The following ITGAD variants were observed in gnomAD, a reference collection of about 807,000 sequenced individuals.
ITGAD encodes the protein integrin alpha-D.
In ITGAD, 105 loss-of-function variants were observed where a neutral mutation model predicts 139.0. That is an observed-to-expected ratio of 0.76 (90% CI 0.65 to 0.89). The LOEUF (loss-of-function observed/expected upper bound fraction) is 0.89. Among genes scored for constraint, ITGAD ranks in the 40% least tolerant of loss-of-function variants. The probability of loss-of-function intolerance (pLI) is 0.00; values close to 1 mark genes in which losing one functional copy is unlikely to be tolerated. For missense variants in ITGAD, 1,384 were observed against 1,487.3 expected, an observed-to-expected ratio of 0.93 and a Z score of 1.14; for synonymous variants, 569 against 598.3, an observed-to-expected ratio of 0.95 and a Z score of 0.71.
rs79441414 is a variant in ITGAD, at chr16:31,412,762, C to T, written c.1708-76C>T. ...TCTCCCTTTGCCACCATCCTACCTC[C>T]ATATTCCCCTTGTTACTTATTTCCA... On this transcript the variant is annotated intron_variant, in intron 14 of 29. Coordinates refer to ENST00000389202, the MANE Select transcript of ITGAD (RefSeq NM_005353.3). 1.3e-3 allele frequency: 2,024 copies of T among 1,583,186 alleles called. 22 individuals are homozygous for T. The African/African-American group carries it at 0.025, about 19-fold the overall frequency.
intron 2 of ITGAD, among the ~76,000 whole-genome samples, chr16:31,394,721 G>A (rs1444812484): frequency 2.0e-5 from 3 of 152,168 alleles, no homozygotes; most frequent in Admixed American, 6.5e-5. Flanking sequence ...ACCCAGGCTG[G>A]AGTGCAGTGG....
At chr16:31,423,529 A>G (rs567176258) in intron 25 of ITGAD, 42 bp from the exon 26 acceptor site, 4 of 1,602,764 alleles carry the variant, frequency 2.5e-6, no homozygotes, top group Non-Finnish European at 2.6e-6. Context: ...TACCAGGGAC[A>G]TGTTGCTCAT....
rs776271033 is a variant in ITGAD, at chr16:31,407,872, GC to G, written c.966del (p.Ser323AlafsTer63). Reference sequence around the variant, plus strand: ...AAGGTGGACAACTTTGCAGCCCTTGGCAGCATCCAGAAGCAGCTGCAGGAGA... The same window carrying G: ...AAGGTGGACAACTTTGCAGCCCTTGGAGCATCCAGAAGCAGCTGCAGGAGA... ...VFKVDNFAAL[G>X]SIQKQLQEKI... On this transcript the variant is annotated frameshift_variant, in exon 9 of 30. Transcript: ENST00000389202. LOFTEE classifies it high-confidence loss of function. The G allele has an allele frequency of 1.4e-5, 23 of 1,600,676 alleles. No homozygotes were observed. The highest frequency in any genetic ancestry group is 1.9e-5 in the Non-Finnish European group (22 of 1,168,874).
chr16:31,414,588 C>T lies in ITGAD; in HGVS notation c.2134C>T (p.Leu712=), dbSNP rs1478484634. 1 of 1,614,018 alleles carries T rather than the reference C, an allele frequency of 6.2e-7. No individual in the cohort carries two copies. The highest frequency in any genetic ancestry group is 1.3e-5 in the African/African-American group (1 of 74,912). The part of the protein sequence containing the change: ...TLGLGIHCET[L]KLLLPDCVED... ...GGGACTGGGGATTCACTGTGAAACC[C>T]TGAAGCTGCTTTTGCCAGTGAGGAC... Residue 712 remains leucine (L), a synonymous_variant, in exon 17 of 30, where the codon CTG becomes TTG. Coordinates refer to ENST00000389202, the MANE Select transcript of ITGAD (RefSeq NM_005353.3).
intron 23 of ITGAD, among the ~76,000 whole-genome samples, chr16:31,421,336 G>A (rs2082002092): frequency 6.6e-6 from 1 of 150,918 alleles, no homozygotes; most frequent in African/African-American, 2.4e-5. Flanking sequence ...GCGCACGGTG[G>A]CTCGTGCCTG....
chr16:31,402,658 G>A (rs1369833722), intron 6 of ITGAD: 2 of 164,022 alleles, frequency 1.2e-5, no homozygotes, highest in Non-Finnish European at 2.7e-5. Flanking sequence ...GCTGCAGTGT[G>A]GGGGTGCAAT....
intron 5 of ITGAD, among the ~76,000 whole-genome samples, chr16:31,400,644 G>T (rs370746425): frequency 6.6e-6 from 1 of 152,036 alleles, no homozygotes; most frequent in East Asian, 1.9e-4. Context: ...TCACTCTGTC[G>T]CCCAGGCTGG....
intron 21 of ITGAD, 44 bp downstream of exon 21, chr16:31,418,235 C>G: frequency 6.2e-7 from 1 of 1,603,754 alleles, no homozygotes; most frequent in Non-Finnish European, 8.5e-7. Flanking sequence ...CTCCCTTGTC[C>G]CAATCTGTCC....
rs75324524 is a variant in ITGAD, at chr16:31,403,672, G to A, written c.704+27G>A. 501 of 1,613,496 alleles carry A rather than the reference G, an allele frequency of 3.1e-4. No homozygotes were observed. The highest frequency in any genetic ancestry group is 4.1e-4 in the Non-Finnish European group (489 of 1,179,624). Reference sequence around the variant, plus strand: ...TAAGCAACCCCGACCCCAGCCTGGCGATGTGACTGCCACCCCCACTTCCTA... The same window carrying A: ...TAAGCAACCCCGACCCCAGCCTGGCAATGTGACTGCCACCCCCACTTCCTA... On this transcript the variant is annotated intron_variant, in intron 7 of 29. Coordinates refer to ENST00000389202, the MANE Select transcript of ITGAD (RefSeq NM_005353.3). This position sits in a 1 kb window ranked among gnomAD's most constrained non-coding sequence, Gnocchi z 4.4.
intron 23 of ITGAD, among the ~76,000 whole-genome samples, chr16:31,419,827 A>G (rs575654891): frequency 1.1e-4 from 17 of 151,614 alleles, no homozygotes; most frequent in Non-Finnish European, 2.1e-4. Flanking sequence ...AAAAAAAAAA[A>G]AAAAGAAAAA....
intron 14 of ITGAD, among the ~76,000 whole-genome samples, chr16:31,412,173 A>T (rs1162607970): frequency 9.3e-5 from 14 of 151,058 alleles, no homozygotes; most frequent in Non-Finnish European, 1.8e-4. Context: ...CCTCCCGAGT[A>T]GCTGAGATTA....
At position 31,407,528 on chromosome 16, in the gene ITGAD, C is replaced by T. The variant is rs868815311; in HGVS notation, c.718C>T (p.His240Tyr). ...CCTCCCCGACAGGACACAGCTATTT[C>T]ATCATAAGAATGGGGCCCGAAAAAG... is the stretch of plus-strand genomic sequence containing the variant. ...GILTVVTQLF[H>Y]HKNGARKSAK... The change falls in exon 8 of 30, where the codon CAT (histidine) becomes TAT (tyrosine). Residue 240 changes from histidine to tyrosine, a missense_variant. Coordinates refer to ENST00000389202, the MANE Select transcript of ITGAD (RefSeq NM_005353.3). The T allele has an allele frequency of 4.4e-6, 7 of 1,594,980 alleles. No individual in the cohort carries two copies. The East Asian group carries it at 1.6e-4, about 36-fold the overall frequency.
Position 31,424,595 on chromosome 16 carries a change from C to CTA in ITGAD, c.3372+19_3372+20insAT. 1 of 1,450,782 alleles carries CTA rather than the reference C, an allele frequency of 6.9e-7. No homozygotes were observed. Among genetic ancestry groups the CTA allele is most frequent in the Non-Finnish European group, 9.4e-7 (1 of 1,062,006 alleles). 89.9% of individuals were successfully genotyped at this position (1,450,782 alleles called of 1,614,324 possible). On this transcript the variant is annotated intron_variant, in intron 29 of 29. Transcript: ENST00000389202. ...TGTACAAGGCAAGTGTTTTATCCAA[C>CTA]TCTTTTTTTTTTTTTTTTGAGATGG...
Position 31,423,089 on chromosome 16 carries a change from T to A in ITGAD, c.2781-25T>A, listed in dbSNP as rs373284328. On this transcript the variant is annotated intron_variant, in intron 23 of 29. Transcript: ENST00000389202. Reference sequence around the variant, plus strand: ...AACTGGGGACAGTTTCAGGGCTGTTTTTCACCCACAGGCTCTCTCTCCAGG... The same window carrying A: ...AACTGGGGACAGTTTCAGGGCTGTTATTCACCCACAGGCTCTCTCTCCAGG... 4.8e-4 allele frequency: 775 copies of A among 1,604,264 alleles called. 1 individual carries two copies. Among genetic ancestry groups the A allele is most frequent in the Non-Finnish European group, 6.4e-4 (752 of 1,171,144 alleles).
rs1288134842 is a variant in ITGAD, at chr16:31,414,971, C to G, written c.2263C>G (p.Gln755Glu). The change falls in exon 18 of 30, where the codon CAA becomes GAA. Residue 755 changes from glutamine (Q) to glutamate (E), a missense_variant. Coordinates refer to ENST00000389202, the MANE Select transcript of ITGAD (RefSeq NM_005353.3). ...NLRPVLAVGS[Q>E]DLFTASLPFE... ...GCGTCCTGTGCTGGCCGTGGGCTCACAAGACCTCTTCACTGCTTCTGTGAG... is the reference window on the plus strand; with the variant it reads ...GCGTCCTGTGCTGGCCGTGGGCTCAGAAGACCTCTTCACTGCTTCTGTGAG... The G allele has an allele frequency of 6.2e-7, 1 of 1,614,120 alleles. No individual in the cohort carries two copies. Among genetic ancestry groups the G allele is most frequent in the South Asian group, 1.1e-5 (1 of 91,088 alleles).
At chr16:31,405,206 G>A (rs553665043) in intron 7 of ITGAD, among the ~76,000 whole-genome samples, 45 of 151,986 alleles carry the variant, frequency 3.0e-4, no homozygotes, top group African/African-American at 8.7e-4. Flanking sequence ...GGCTGGTCTC[G>A]AACTCCTGAC....
At chr16:31,419,752 G>A (rs1282387688) in intron 23 of ITGAD, among the ~76,000 whole-genome samples, 8 of 150,348 alleles carry the variant, frequency 5.3e-5, no homozygotes, top group Non-Finnish European at 1.0e-4. Context: ...CGGAGATTGC[G>A]GTGAGCTGAG....
chr16:31,410,239 G>A (rs2081650647), intron 10 of ITGAD, among the ~76,000 whole-genome samples, 156 bp from the exon 11 acceptor site: 1 of 152,152 alleles, frequency 6.6e-6, no homozygotes, highest in South Asian at 2.1e-4. Context: ...AGCAGTGGCT[G>A]TGGGGACAGG....
chr16:31,403,721 T>C lies in ITGAD; in HGVS notation c.704+76T>C. The C allele has an allele frequency of 1.3e-6, 2 of 1,567,256 alleles. No individual in the cohort carries two copies. The highest frequency in any genetic ancestry group is 1.3e-5 in the African/African-American group (1 of 74,218). ...TAACCCTGGGTCAGCACAGCTCTTC[T>C]CAGAGGCTGAGGGAGGCTCCAGGGA... On this transcript the variant is annotated intron_variant, in intron 7 of 29. Coordinates refer to ENST00000389202, the MANE Select transcript of ITGAD (RefSeq NM_005353.3). The surrounding 1 kb of genome is among the most constrained non-coding windows in gnomAD (Gnocchi z 4.4).
Sources: allele counts gnomAD v4.1 joint callset (sites outside exome capture counted in the v4.1 genomes callset), GRCh38; gene constraint gnomAD v4.1.1; non-coding constraint Gnocchi (gnomAD v3.1); transcripts MANE v1.5; gene names NCBI Gene and HGNC (gene_info 2026-07-23, HGNC 2026-07-21).